ELF5: variants seen among roughly 807,000 people sequenced by gnomAD.
ELF5 encodes ETS-related transcription factor Elf-5.
A neutral mutation model predicts 38.2 loss-of-function variants in ELF5; 31 were observed. The observed-to-expected ratio is 0.81, with a 90% CI of 0.61 to 1.10. The LOEUF (loss-of-function observed/expected upper bound fraction) is 1.10, where lower values mean the gene tolerates loss of function less well. ELF5 is among the 50% of genes least tolerant of loss of function. The probability of loss-of-function intolerance (pLI) is 0.00; values close to 1 mark genes in which losing one functional copy is unlikely to be tolerated. For missense variants in ELF5, 300 were observed against 306.6 expected, an observed-to-expected ratio of 0.98 and a Z score of 0.16; for synonymous variants, 121 against 112.5, an observed-to-expected ratio of 1.08 and a Z score of -0.48.
rs564755243 is a variant in ELF5 at position 34,504,041 on chromosome 11, C to A, written c.121+1588G>T. Among the ~76,000 whole-genome samples, 26 of 152,274 alleles carry A rather than the reference C, an allele frequency of 1.7e-4. No individual in the cohort carries two copies. The South Asian group carries it at 3.7e-3, about 22-fold the overall frequency. ...GCAGCTGGTTGTAGCCCGCCCCTCCCACTGCCACCCCAACTACTTCCCAGC... is the reference window on the plus strand; with the variant it reads ...GCAGCTGGTTGTAGCCCGCCCCTCCAACTGCCACCCCAACTACTTCCCAGC... On this transcript the variant is annotated intron_variant, in intron 2 of 6. Coordinates refer to ENST00000257832, the MANE Select transcript of ELF5 (RefSeq NM_001422.4).
chr11:34,495,660 G>A (rs1473277026), intron 2 of ELF5, among the ~76,000 whole-genome samples: 1 of 152,216 alleles, frequency 6.6e-6, no homozygotes, highest in Non-Finnish European at 1.5e-5. Context: ...AGATCAAAGC[G>A]TCAATATTGT....
chr11:34,496,431 C>T (rs1391239602), intron 2 of ELF5, among the ~76,000 whole-genome samples: 4 of 152,310 alleles, frequency 2.6e-5, no homozygotes, highest in Admixed American at 2.0e-4. Context: ...AGTGGCAGAG[C>T]GGAGGCTGCC....
chr11:34,507,226 A>G lies in ELF5; in HGVS notation c.-4-1473T>C, dbSNP rs527250505. Among the ~76,000 whole-genome samples, 8 of 152,322 alleles carry G rather than the reference A, an allele frequency of 5.3e-5. No homozygotes were observed. The East Asian group carries it at 1.3e-3, about 26-fold the overall frequency. ...AGAATTCTGCAGCATGTGCGGCCCA[A>G]GGTTTTGGAGACGAGTGTGGACCTG... On this transcript the variant is annotated intron_variant, in intron 1 of 6. Transcript: ENST00000257832.
chr11:34,479,987 T>A lies in ELF5; in HGVS notation c.*231A>T, dbSNP rs1381693358. On this transcript the variant is annotated 3_prime_UTR_variant, in exon 7 of 7. Coordinates refer to ENST00000257832, the MANE Select transcript of ELF5 (RefSeq NM_001422.4). ...AGTTTGATCAAGACACCACAAAAGA[T>A]CATCCCCTCATCCCCTTAGGGAGAA... 2 of 529,286 alleles carry A rather than the reference T, an allele frequency of 3.8e-6. No homozygotes were observed. The highest frequency in any genetic ancestry group is 6.7e-6 in the Non-Finnish European group (2 of 298,972). 32.8% of individuals were successfully genotyped at this position (529,286 alleles called of 1,614,324 possible).
At position 34,508,869 on chromosome 11, in the gene ELF5, C is replaced by T. The variant is rs1850679037; in HGVS notation, c.-4-3116G>A. ...GGGAGGTCCTTAGTTTTCTGACTCT[C>T]AGCCCATCTGCTTCTCTTTCTGAAA... On this transcript the variant is annotated intron_variant, in intron 1 of 6. Coordinates refer to ENST00000257832, the MANE Select transcript of ELF5 (RefSeq NM_001422.4). Among the ~76,000 whole-genome samples, 3 of 152,240 alleles carry T rather than the reference C, an allele frequency of 2.0e-5. No individual in the cohort carries two copies. The South Asian group carries it at 6.2e-4, about 31-fold the overall frequency.
Position 34,488,235 on chromosome 11 carries a change from C to CTTA in ELF5, c.406+1773_406+1774insTAA, listed in dbSNP as rs576515769. 4.5e-3 allele frequency among the ~76,000 whole-genome samples: 689 copies of CTTA among 152,254 alleles called. 4 individuals are homozygous for CTTA. The highest frequency in any genetic ancestry group is 0.016 in the African/African-American group (662 of 41,536). On this transcript the variant is annotated intron_variant, in intron 4 of 6. Coordinates refer to ENST00000257832, the MANE Select transcript of ELF5 (RefSeq NM_001422.4). ...CAATGAGAGCAAGACTCAAATAGTG[C>CTTA]TCATCACCACAGCTACAGTGCCTAG... is the stretch of plus-strand genomic sequence containing the variant.
chr11:34,490,164 T>A, intron 3 of ELF5, 105 bp from the exon 4 acceptor site: 1 of 1,261,138 alleles, frequency 7.9e-7, no homozygotes, highest in South Asian at 1.2e-5. Context: ...CTGTCCCTCT[T>A]GAGGTTGGTT....
At position 34,480,800 on chromosome 11, in the gene ELF5, T is replaced by A. The variant is rs1332040902; in HGVS notation, c.643A>T (p.Thr215Ser). 5 of 1,614,090 alleles carry A rather than the reference T, an allele frequency of 3.1e-6. No individual in the cohort carries two copies. The highest frequency in any genetic ancestry group is 8.5e-7 in the Non-Finnish European group (1 of 1,180,008). Reference protein sequence around the residue: ...WGQRKKNDRMTYEKLSRALRY... With the variant: ...WGQRKKNDRMSYEKLSRALRY... Reference sequence around the variant, plus strand: ...AGGGCTCTGCTCAACTTTTCATATGTCATTCTGTCATTTTTCTTCCTTTGT... The same window carrying A: ...AGGGCTCTGCTCAACTTTTCATATGACATTCTGTCATTTTTCTTCCTTTGT... The change falls in exon 6 of 7, where the codon ACA becomes TCA. Residue 215 changes from threonine (T) to serine (S), a missense_variant. Thr to Ser is a moderately conservative substitution (Grantham distance 58, BLOSUM62 1). Coordinates refer to ENST00000257832, the MANE Select transcript of ELF5 (RefSeq NM_001422.4).
In ELF5 at chr11:34,493,498, G is replaced by A; in HGVS notation, c.336C>T (p.Leu112=). The change falls in exon 3 of 7, where the codon CTC becomes CTT. Residue 112 remains leucine, a synonymous_variant. Transcript: ENST00000257832. ...GLCGEYLYFI[L]QNIRTQGYSF... ...ACTGACCTTGTGTGCGGATGTTCTG[G>A]AGGATGAAGTACAGGTACTCGCCGC... 1 of 1,613,870 alleles carries A rather than the reference G, an allele frequency of 6.2e-7. No homozygotes were observed.
At chr11:34,503,956 G>A (rs1196494764) in intron 2 of ELF5, among the ~76,000 whole-genome samples, 1 of 152,182 alleles carries the variant, frequency 6.6e-6, no homozygotes, top group Admixed American at 6.5e-5. Context: ...TTCCCATTTG[G>A]GACACACCAG....
At chr11:34,482,600 G>T in intron 4 of ELF5, 101 bp from the exon 5 acceptor site, 1 of 920,576 alleles carries the variant, frequency 1.1e-6, no homozygotes. Context: ...TGCCTTTGTA[G>T]TAGAAGACAC....
At chr11:34,494,034 T>A (rs545750310) in intron 2 of ELF5, among the ~76,000 whole-genome samples, 49 of 152,320 alleles carry the variant, frequency 3.2e-4, no homozygotes, top group African/African-American at 1.1e-3. Flanking sequence ...TGATTCCAGA[T>A]AACATGATAT....
intron 2 of ELF5, among the ~76,000 whole-genome samples, chr11:34,503,496 T>G (rs543759927): frequency 2.7e-4 from 41 of 151,654 alleles, no homozygotes; most frequent in Non-Finnish European, 2.9e-4. Context: ...TCGCTCAGGC[T>G]GGAGTGCAGT....
Position 34,505,619 on chromosome 11 carries a change from A to G in ELF5, c.121+10T>C. 6.2e-7 allele frequency: 1 copy of G among 1,613,160 alleles called. No homozygotes were observed. The highest frequency in any genetic ancestry group is 8.5e-7 in the Non-Finnish European group (1 of 1,179,442). On this transcript the variant is annotated intron_variant, in intron 2 of 6. Transcript: ENST00000257832. ...GCTGCACTCAGATGGGCTCCTTCAA[A>G]TGTACGCACCTGTCTGATGCTCAAA...
chr11:34,503,218 G>A (rs1031613325), intron 2 of ELF5, among the ~76,000 whole-genome samples: 1 of 152,102 alleles, frequency 6.6e-6, no homozygotes, highest in Non-Finnish European at 1.5e-5. Flanking sequence ...GAGTGCAGTG[G>A]CATACTCACA....
At chr11:34,496,842 C>T (rs371847804) in intron 2 of ELF5, among the ~76,000 whole-genome samples, 2 of 152,248 alleles carry the variant, frequency 1.3e-5, no homozygotes, top group South Asian at 4.2e-4. Flanking sequence ...TGTAAGGTCA[C>T]GCGGCCTGTC....
intron 2 of ELF5, among the ~76,000 whole-genome samples, chr11:34,499,995 A>G (rs948367260): frequency 3.3e-5 from 5 of 152,238 alleles, no homozygotes; most frequent in African/African-American, 1.2e-4. Flanking sequence ...TGAAGAGGAA[A>G]TGATGCAGGT....
At chr11:34,493,427 T>C (rs1805145572) in intron 3 of ELF5, 52 bp downstream of exon 3, 4 of 1,543,188 alleles carry the variant, frequency 2.6e-6, no homozygotes, top group Admixed American at 1.8e-5. Flanking sequence ...TCAAAGTTGT[T>C]TGGTCCTAAT....
chr11:34,482,320 G>T (rs907038975), intron 5 of ELF5, 111 bp downstream of exon 5: 2 of 948,014 alleles, frequency 2.1e-6, no homozygotes, highest in African/African-American at 1.6e-5. Context: ...CCTTCCTTGG[G>T]GAGTAACTGG....
Sources: gnomAD v4.1 joint callset for allele counts (sites outside exome capture counted in the v4.1 genomes callset) on GRCh38, gnomAD v4.1.1 for gene constraint, MANE v1.5 for transcripts, NCBI Gene and HGNC (gene_info 2026-07-23, HGNC 2026-07-21) for gene names.